CD200R1: variants seen among roughly 807,000 people sequenced by gnomAD.
The protein encoded by CD200R1 is cell surface glycoprotein CD200 receptor 1.
A neutral mutation model predicts 38.1 loss-of-function variants in CD200R1; 30 were observed. The observed-to-expected ratio is 0.79, with a 90% CI of 0.59 to 1.07. CD200R1 has a LOEUF of 1.07. CD200R1 is among the 50% of genes least tolerant of loss of function. The probability of loss-of-function intolerance (pLI) is 0.00; values close to 1 mark genes in which losing one functional copy is unlikely to be tolerated. For synonymous variants in CD200R1, 128 were observed against 152.1 expected (o/e 0.84, Z 1.16); for missense variants, 372 against 415.4 (o/e 0.90, Z 0.91).
intron 2 of CD200R1, among the ~76,000 whole-genome samples, chr3:112,939,518 C>A (rs1237827498): frequency 4.6e-5 from 7 of 151,612 alleles, no homozygotes; most frequent in African/African-American, 1.2e-4. Context: ...TGAAAGCAAT[C>A]CCATTTACAA....
At chr3:112,950,131 C>T (rs187075190) in intron 1 of CD200R1, among the ~76,000 whole-genome samples, 1 of 152,140 alleles carries the variant, frequency 6.6e-6, no homozygotes, top group African/African-American at 2.4e-5. Context: ...AAAAGTTTGA[C>T]AACATACACT....
Position 112,928,833 on chromosome 3 carries a change from TAC to T in CD200R1, c.750_751del (p.Tyr251HisfsTer45). 6.2e-7 allele frequency: 1 copy of T among 1,612,934 alleles called. No homozygotes were observed. On this transcript the variant is annotated frameshift_variant, in exon 5 of 8. Transcript: ENST00000308611. LOFTEE classifies it high-confidence loss of function. The stretch of plus-strand genomic sequence containing the variant: ...TTACTGACCAGGAAGTAGCTCTATG[TAC>T]AGACTCTTGTTGCCAGTCAAATGGG...
At chr3:112,972,612 C>T (rs945421746) in intron 1 of CD200R1, among the ~76,000 whole-genome samples, 2 of 152,130 alleles carry the variant, frequency 1.3e-5, no homozygotes, top group Non-Finnish European at 2.9e-5. Flanking sequence ...AGGTACAAGG[C>T]TGGGAATATA....
intron 7 of CD200R1, among the ~76,000 whole-genome samples, chr3:112,924,059 T>C (rs745700101): frequency 6.6e-6 from 1 of 151,894 alleles, no homozygotes; most frequent in Non-Finnish European, 1.5e-5. Context: ...GTGATATGAG[T>C]ACTCCAAAGG....
intron 1 of CD200R1, among the ~76,000 whole-genome samples, chr3:112,958,982 C>T (rs1181033768): frequency 2.0e-5 from 3 of 151,966 alleles, no homozygotes; most frequent in African/African-American, 7.2e-5. Context: ...GAGGTTTCCT[C>T]CAGTGAGACA....
Position 112,925,129 on chromosome 3 carries a change from C to A in CD200R1, c.834G>T (p.Leu278Phe). 1 of 1,608,408 alleles carries A rather than the reference C, an allele frequency of 6.2e-7. No homozygotes were observed. Among genetic ancestry groups the A allele is most frequent in the Non-Finnish European group, 8.5e-7 (1 of 1,175,938 alleles). ...IPYIILTIII[L>F]TIVGFIWLLK... ...ACAACCAAATGAATCCCACGATGGT[C>A]AAAATAATAATAGTAAGGATGATAT... is the stretch of plus-strand genomic sequence containing the variant. The change falls in exon 6 of 8, where the codon TTG (leucine) becomes TTT (phenylalanine). Residue 278 changes from leucine (L) to phenylalanine (F), a missense_variant. Transcript: ENST00000308611.
At chr3:112,960,454 G>T (rs1289430853) in intron 1 of CD200R1, among the ~76,000 whole-genome samples, 2 of 151,866 alleles carry the variant, frequency 1.3e-5, no homozygotes, top group Non-Finnish European at 2.9e-5. Flanking sequence ...AAACTATTTT[G>T]CAGACATTTG....
intron 5 of CD200R1, among the ~76,000 whole-genome samples, chr3:112,925,637 T>C (rs1362621193): frequency 6.6e-6 from 1 of 152,012 alleles, no homozygotes; most frequent in Non-Finnish European, 1.5e-5. Context: ...ACAGTTCTAA[T>C]AAATGTAACA....
chr3:112,963,415 C>T (rs773428028), intron 1 of CD200R1, among the ~76,000 whole-genome samples: 3 of 152,126 alleles, frequency 2.0e-5, no homozygotes, highest in Non-Finnish European at 4.4e-5. Flanking sequence ...GATAATGATA[C>T]GGACAATGAA....
At chr3:112,963,507 A>G (rs55880301) in intron 1 of CD200R1, among the ~76,000 whole-genome samples, 7,478 of 152,290 alleles carry the variant, frequency 0.049, 273 homozygotes, top group African/African-American at 0.098. Flanking sequence ...TGTTTTAACA[A>G]AGATACTGCC....
Position 112,929,249 on chromosome 3 carries a change from C to T in CD200R1, c.461G>A (p.Arg154Lys), listed in dbSNP as rs748598666. 1.2e-6 allele frequency: 2 copies of T among 1,614,156 alleles called. No individual in the cohort carries two copies. The highest frequency in any genetic ancestry group is 3.3e-5 in the Admixed American group (2 of 60,024). The change falls in exon 4 of 8, where the codon AGA (arginine) becomes AAA (lysine). Residue 154 changes from arginine (R) to lysine (K), a missense_variant. Physicochemically the swap from Arg to Lys is conservative, Grantham distance 26 (BLOSUM62 2). Transcript: ENST00000308611. Reference sequence around the variant, plus strand: ...CCCATCAGGTGTTACCATTATGCATCTGTAATACCCGTCATGAGTGATGGC... The same window carrying T: ...CCCATCAGGTGTTACCATTATGCATTTGTAATACCCGTCATGAGTGATGGC... ...TVAITHDGYY[R>K]CIMVTPDGNF...
In CD200R1 at chr3:112,974,883, C is replaced by T; in HGVS notation, c.-26G>A. On this transcript the variant is annotated 5_prime_UTR_variant, in exon 1 of 8. An upstream open reading frame in the 5' UTR loses its in-frame stop. Transcript: ENST00000308611. ...TTCTGTTTTCTCTTTTTCTGCCCTT[C>T]ACTCAGTACTTTTCCTCCACACAGG... The T allele has an allele frequency of 1.9e-6, 3 of 1,596,598 alleles. No individual in the cohort carries two copies. The highest frequency in any genetic ancestry group is 1.1e-5 in the South Asian group (1 of 90,526).
intron 3 of CD200R1, among the ~76,000 whole-genome samples, chr3:112,930,243 T>G (rs1267048047): frequency 1.3e-4 from 20 of 152,182 alleles, no homozygotes; most frequent in Admixed American, 1.3e-3. Context: ...TATATAATTT[T>G]TAAAAAACGA....
rs151076533 is a variant in CD200R1 at position 112,947,554 on chromosome 3, C to A, written c.136+302G>T. 7.2e-5 allele frequency among the ~76,000 whole-genome samples: 11 copies of A among 152,230 alleles called. 1 individual carries two copies. In the East Asian group the frequency reaches 2.1e-3, roughly 29 times the overall value. On this transcript the variant is annotated intron_variant, in intron 2 of 7. Transcript: ENST00000308611. ...TTGAGAGAGGATATAGAAAATAAAT[C>A]ATTAACACCTATTAAGATCTGCTTA...
chr3:112,954,799 T>A (rs536061258), intron 1 of CD200R1, among the ~76,000 whole-genome samples: 1 of 152,298 alleles, frequency 6.6e-6, no homozygotes, highest in South Asian at 2.1e-4. Context: ...ATATCTTTCA[T>A]AATAAACTAG....
At chr3:112,928,769 T>C (rs1287690141) in intron 5 of CD200R1, 47 bp downstream of exon 5, 1 of 1,457,192 alleles carries the variant, frequency 6.9e-7, no homozygotes, top group Non-Finnish European at 9.4e-7. Flanking sequence ...TTAACTCTTT[T>C]AAAAGAATGG....
chr3:112,923,801 TAAGA>T lies in CD200R1; in HGVS notation c.925-6_925-3del. ...GCTGGCATAGGGCTGCATTTCATCC[TAAGA>T]AAGAACTCAAAGTTAAAATCAATTC... is the stretch of plus-strand genomic sequence containing the variant. On this transcript the variant is annotated splice_region_variant and splice_polypyrimidine_tract_variant and intron_variant, in intron 7 of 7. Coordinates refer to ENST00000308611, the MANE Select transcript of CD200R1 (RefSeq NM_138806.4). 6.4e-7 allele frequency: 1 copy of T among 1,555,326 alleles called. No homozygotes were observed.
chr3:112,959,574 G>C (rs1932963660), intron 1 of CD200R1, among the ~76,000 whole-genome samples: 1 of 151,972 alleles, frequency 6.6e-6, no homozygotes. Context: ...ATTTACTACA[G>C]TACTTCAAAA....
intron 1 of CD200R1, among the ~76,000 whole-genome samples, chr3:112,958,920 A>G (rs978413226): frequency 2.0e-5 from 3 of 152,132 alleles, no homozygotes; most frequent in South Asian, 2.1e-4. Context: ...CTGAGCAAGC[A>G]TATACACCCA....
Sources: gnomAD v4.1 joint callset for allele counts (sites outside exome capture counted in the v4.1 genomes callset) on GRCh38, gnomAD v4.1.1 for gene constraint, MANE v1.5 for transcripts, NCBI Gene and HGNC (gene_info 2026-07-23, HGNC 2026-07-21) for gene names.